Variants in PDE4B observed in about 807,000 individuals in gnomAD.
PDE4B encodes phosphodiesterase 4B, also known as 3',5'-cyclic-AMP phosphodiesterase 4B.
PDE4B carries 20 observed loss-of-function variants against 82.2 expected under a neutral mutation model. That is an observed-to-expected ratio of 0.24 (90% confidence interval 0.17 to 0.35). The LOEUF is 0.35. PDE4B is among the 10% of genes least tolerant of loss of function. PDE4B has a pLI of 1.00. For synonymous variants in PDE4B, 320 were observed against 318.9 expected, an observed-to-expected ratio of 1.00 and a Z score of -0.04; for missense variants, 655 against 907.2, an observed-to-expected ratio of 0.72 and a Z score of 3.57.
At chr1:65,877,613 TAAAAAATA>T (rs1346441505) in intron 1 of PDE4B, among the ~76,000 whole-genome samples, 1 of 143,970 alleles carries the variant, frequency 6.9e-6, no homozygotes, top group Admixed American at 7.0e-5. Context: ...AGACTCTGTC[TAAAAAATA>T]AATAAATAAA....
chr1:66,247,107 A>T (rs1458737851), intron 3 of PDE4B, among the ~76,000 whole-genome samples: 1 of 152,138 alleles, frequency 6.6e-6, no homozygotes, highest in Non-Finnish European at 1.5e-5. Context: ...AAAGTTGCTT[A>T]TTATCACCAA....
At chr1:66,253,319 CAG>C (rs1203514256) in intron 4 of PDE4B, among the ~76,000 whole-genome samples, 1 of 152,136 alleles carries the variant, frequency 6.6e-6, no homozygotes, top group African/African-American at 2.4e-5. Context: ...AGTGAGAAAA[CAG>C]AGAAAGGTGG....
intron 3 of PDE4B, among the ~76,000 whole-genome samples, chr1:66,016,444 C>T (rs1652779420): frequency 6.6e-6 from 1 of 152,188 alleles, no homozygotes; most frequent in Admixed American, 6.5e-5. Context: ...TTATCTTTGA[C>T]ACCATTATTC....
intron 3 of PDE4B, among the ~76,000 whole-genome samples, chr1:66,163,416 T>C (rs1646657489): frequency 6.6e-6 from 1 of 152,178 alleles, no homozygotes; most frequent in African/African-American, 2.4e-5. Flanking sequence ...AGGAACTCTA[T>C]AATAATGTAT....
At chr1:66,094,993 G>A (rs562482063) in intron 3 of PDE4B, among the ~76,000 whole-genome samples, 1 of 151,986 alleles carries the variant, frequency 6.6e-6, no homozygotes, top group African/African-American at 2.4e-5. Context: ...GGAAGAAACT[G>A]AGACTGACTG....
At chr1:66,148,909 G>A (rs1352408573) in intron 3 of PDE4B, among the ~76,000 whole-genome samples, 2 of 152,142 alleles carry the variant, frequency 1.3e-5, no homozygotes, top group Non-Finnish European at 2.9e-5. Flanking sequence ...CTCATCAGTT[G>A]ATGAACATTT....
intron 2 of PDE4B, among the ~76,000 whole-genome samples, chr1:65,915,696 T>TC (rs1411807475): frequency 6.6e-6 from 1 of 152,098 alleles, no homozygotes; most frequent in Non-Finnish European, 1.5e-5. Context: ...TGGTGTCCCC[T>TC]CCCCCTCCTC....
In PDE4B at chr1:65,874,836, A is replaced by G. The variant is rs562072175; in HGVS notation, c.-70-38409A>G. On this transcript the variant is annotated intron_variant, in intron 1 of 16. Transcript: ENST00000341517. ...ATTTAAACGTTAGACCTAAAACCATAAAAACCCTAGAAGAAAACCTAGGCT... is the reference window on the plus strand; with the variant it reads ...ATTTAAACGTTAGACCTAAAACCATGAAAACCCTAGAAGAAAACCTAGGCT... Among the ~76,000 whole-genome samples the G allele has an allele frequency of 1.2e-4, 19 of 152,252 alleles. No individual in the cohort carries two copies. In the South Asian group the frequency reaches 2.9e-3, roughly 23 times the overall value.
At chr1:66,156,592 G>GAA (rs1224644635) in intron 3 of PDE4B, among the ~76,000 whole-genome samples, 2 of 145,230 alleles carry the variant, frequency 1.4e-5, no homozygotes, top group African/African-American at 5.1e-5. Context: ...TTCCCCATCA[G>GAA]AAAAAAAAAA....
At chr1:66,235,098 G>A (rs765802639) in intron 3 of PDE4B, among the ~76,000 whole-genome samples, 7 of 151,980 alleles carry the variant, frequency 4.6e-5, no homozygotes, top group Non-Finnish European at 8.8e-5. Flanking sequence ...GTTTAATTCC[G>A]CTCTGATCAG....
At chr1:65,824,807 C>T (rs992207346) in intron 1 of PDE4B, among the ~76,000 whole-genome samples, 5 of 152,136 alleles carry the variant, frequency 3.3e-5, no homozygotes, top group Admixed American at 6.5e-5. Flanking sequence ...AGCTTTGTTG[C>T]TGCCTCCTCA....
intron 1 of PDE4B, among the ~76,000 whole-genome samples, chr1:65,911,563 T>C (rs972457899): frequency 5.9e-5 from 9 of 152,138 alleles, no homozygotes; most frequent in African/African-American, 2.2e-4. Context: ...GCCCTCAATA[T>C]TGACTATAAC....
chr1:66,301,999 C>T (rs1657929963), intron 7 of PDE4B, among the ~76,000 whole-genome samples: 1 of 152,168 alleles, frequency 6.6e-6, no homozygotes, highest in African/African-American at 2.4e-5. Context: ...CCTCTCAAAC[C>T]ACAGAGGTTT....
At chr1:65,824,826 T>A (rs1193408904) in intron 1 of PDE4B, among the ~76,000 whole-genome samples, 1 of 152,106 alleles carries the variant, frequency 6.6e-6, no homozygotes, top group Non-Finnish European at 1.5e-5. Context: ...CAGGTCTGAG[T>A]TGGTGTGCAG....
intron 3 of PDE4B, among the ~76,000 whole-genome samples, chr1:66,158,933 C>T (rs1178057937): frequency 6.6e-6 from 1 of 152,034 alleles, no homozygotes. Flanking sequence ...TTACCAGATG[C>T]TGAGAAGGGT....
rs117994001 is a variant in PDE4B, at chr1:66,085,327, C to T, written c.282-162133C>T. ...TGTTCTTAGGCTGACTTGAAGCTAACATTGGACACAGAGCAATTTTAGTGG... is the reference window on the plus strand; with the variant it reads ...TGTTCTTAGGCTGACTTGAAGCTAATATTGGACACAGAGCAATTTTAGTGG... On this transcript the variant is annotated intron_variant, in intron 3 of 16. Transcript: ENST00000341517. Among the ~76,000 whole-genome samples, 48 of 152,252 alleles carry T rather than the reference C, an allele frequency of 3.2e-4. No individual in the cohort carries two copies. In the East Asian group the frequency reaches 8.3e-3, roughly 26 times the overall value.
intron 3 of PDE4B, among the ~76,000 whole-genome samples, chr1:65,980,203 A>G (rs940133273): frequency 2.0e-5 from 3 of 152,224 alleles, no homozygotes; most frequent in African/African-American, 7.2e-5. Flanking sequence ...ACAAAAAACC[A>G]TCACCACTTT....
rs2050891366 is a variant in PDE4B, at chr1:66,374,341, G to A, written c.*1663G>A. 6.6e-6 allele frequency: 1 copy of A among 152,642 alleles called. No individual in the cohort carries two copies. The highest frequency in any genetic ancestry group is 1.9e-4 in the East Asian group (1 of 5,204). 9.5% of individuals were successfully genotyped at this position (152,642 alleles called of 1,614,324 possible). A position where few individuals can be genotyped will look rare whatever the true frequency, so the allele number is the denominator to read the frequency against. On this transcript the variant is annotated 3_prime_UTR_variant, in exon 17 of 17. Transcript: ENST00000341517. ...AGGCCTCTTACTGATGTCAGTTTCA[G>A]TTTGTAAAATATGTTTCATGCTTTC... is the stretch of plus-strand genomic sequence containing the variant.
chr1:66,222,950 A>C (rs1651117099), intron 3 of PDE4B, among the ~76,000 whole-genome samples: 1 of 152,200 alleles, frequency 6.6e-6, no homozygotes, highest in African/African-American at 2.4e-5. Context: ...ATAAAAGATA[A>C]TTTAAATAGT....
Sources: allele counts gnomAD v4.1 joint callset (sites outside exome capture counted in the v4.1 genomes callset), GRCh38; gene constraint gnomAD v4.1.1; transcripts MANE v1.5; gene names NCBI Gene and HGNC (gene_info 2026-07-23, HGNC 2026-07-21).